Variants in CACNG2 observed in about 807,000 individuals in gnomAD.
The protein encoded by CACNG2 is calcium voltage-gated channel auxiliary subunit gamma 2, also known as voltage-dependent calcium channel gamma-2 subunit.
CACNG2 carries 3 observed loss-of-function variants against 25.9 expected under a neutral mutation model. That is an observed-to-expected ratio of 0.12 (90% CI 0.05 to 0.30). The LOEUF (loss-of-function observed/expected upper bound fraction) is 0.30. CACNG2 is among the 10% of genes least tolerant of loss of function. The pLI, the probability that CACNG2 is intolerant of heterozygous loss-of-function variation, is 1.00. For missense variants in CACNG2, 341 were observed against 432.5 expected (o/e 0.79, Z 1.88); for synonymous variants, 167 against 173.3 (o/e 0.96, Z 0.29).
chr22:36,663,860 T>A (rs541855336), intron 1 of CACNG2, among the ~76,000 whole-genome samples: 2 of 152,280 alleles, frequency 1.3e-5, no homozygotes, highest in East Asian at 3.9e-4. Context: ...CTCGATCACA[T>A]GGGCCTGTTT....
chr22:36,659,323 G>A (rs759199017), intron 1 of CACNG2, among the ~76,000 whole-genome samples: 1 of 152,134 alleles, frequency 6.6e-6, no homozygotes, highest in Non-Finnish European at 1.5e-5. Flanking sequence ...AGGGAGTGGG[G>A]AGAGGGCTGT....
chr22:36,596,767 CT>C (rs936414703), intron 1 of CACNG2, among the ~76,000 whole-genome samples: 3 of 151,848 alleles, frequency 2.0e-5, no homozygotes, highest in African/African-American at 4.8e-5. Flanking sequence ...CTCTTCAGTT[CT>C]TTTTTTTGAG....
rs755200898 is a variant in CACNG2, at chr22:36,564,629, G to C, written c.694C>G (p.Arg232Gly). 2 of 1,613,908 alleles carry C rather than the reference G, an allele frequency of 1.2e-6. No homozygotes were observed. The highest frequency in any genetic ancestry group is 1.1e-5 in the South Asian group (1 of 91,076). ...CTGGAGCGGCTGCGGCGCTGGTAGC[G>C]GTAGCGGTAGCTGGGGATGCGGGTG... ...AITRIPSYRY[R>G]YQRRSRSSSR... The change falls in exon 4 of 4, where the codon CGC (arginine) becomes GGC (glycine). Residue 232 changes from arginine (R) to glycine (G), a missense_variant. Physicochemically the swap from Arg to Gly is moderately radical, Grantham distance 125. Around this residue, in one of 2 missense-constraint regions of CACNG2, gnomAD observed 172 missense variants for 178.1 expected, o/e 0.97. Coordinates refer to ENST00000300105, the MANE Select transcript of CACNG2 (RefSeq NM_006078.5). This position sits in a 1 kb window ranked among gnomAD's most constrained non-coding sequence, Gnocchi z 6.7.
At chr22:36,577,433 C>T (rs918157440) in intron 2 of CACNG2, among the ~76,000 whole-genome samples, 3 of 151,994 alleles carry the variant, frequency 2.0e-5, no homozygotes, top group African/African-American at 4.8e-5. Context: ...GGGTGGATCA[C>T]GAGGTCAAGA....
At chr22:36,603,001 T>A (rs755472635) in intron 1 of CACNG2, among the ~76,000 whole-genome samples, 43 of 152,126 alleles carry the variant, frequency 2.8e-4, no homozygotes, top group Non-Finnish European at 1.0e-4. Context: ...CTAGAAACAA[T>A]TAAGCTTAGT....
intron 1 of CACNG2, among the ~76,000 whole-genome samples, chr22:36,689,629 A>G (rs1399892657): frequency 2.6e-5 from 4 of 152,206 alleles, no homozygotes; most frequent in African/African-American, 9.7e-5. Context: ...GAAAATGGAA[A>G]TTTCTCTCTT....
chr22:36,586,944 A>AG (rs1426277276), intron 2 of CACNG2, among the ~76,000 whole-genome samples: 1 of 3,364 alleles, frequency 3.0e-4, no homozygotes, highest in Non-Finnish European at 5.8e-4. Context: ...GCGGGGGAAG[A>AG]AAAAATCTCT....
At chr22:36,676,326 G>A (rs1937019451) in intron 1 of CACNG2, among the ~76,000 whole-genome samples, 1 of 152,174 alleles carries the variant, frequency 6.6e-6, no homozygotes, top group Non-Finnish European at 1.5e-5. Context: ...ATTATTCTCT[G>A]ATTGGAACCA....
chr22:36,612,946 G>A (rs1935967538), intron 1 of CACNG2, among the ~76,000 whole-genome samples: 1 of 152,170 alleles, frequency 6.6e-6, no homozygotes, highest in African/African-American at 2.4e-5. Flanking sequence ...TCATTCTGCT[G>A]ATTCCAGCCC....
chr22:36,579,881 C>T (rs1050202401), intron 2 of CACNG2, among the ~76,000 whole-genome samples: 1 of 152,198 alleles, frequency 6.6e-6, no homozygotes, highest in Non-Finnish European at 1.5e-5. Context: ...TTCTGACCAC[C>T]CTGTTGCAAA....
At chr22:36,657,762 T>C (rs967822698) in intron 1 of CACNG2, among the ~76,000 whole-genome samples, 4 of 151,888 alleles carry the variant, frequency 2.6e-5, no homozygotes, top group Non-Finnish European at 5.9e-5. Flanking sequence ...TCGTGAGGTC[T>C]GTGTGTTTCC....
At chr22:36,592,016 G>A (rs1432473324) in intron 1 of CACNG2, among the ~76,000 whole-genome samples, 1 of 152,142 alleles carries the variant, frequency 6.6e-6, no homozygotes, top group Non-Finnish European at 1.5e-5. Flanking sequence ...GTGTGTGTCA[G>A]TGGCTTGAAG....
intron 1 of CACNG2, among the ~76,000 whole-genome samples, chr22:36,690,986 C>T (rs757050749): frequency 1.5e-5 from 2 of 129,980 alleles, no homozygotes; most frequent in Admixed American, 1.6e-4. Context: ...CTCTCCCATA[C>T]CTTGTTCTCC....
At chr22:36,648,925 C>A (rs146421133) in intron 1 of CACNG2, among the ~76,000 whole-genome samples, 8 of 152,306 alleles carry the variant, frequency 5.3e-5, no homozygotes, top group African/African-American at 1.9e-4. Flanking sequence ...TCCCATCCAT[C>A]CTTCCCTCAA....
chr22:36,593,686 C>T (rs531048917), intron 1 of CACNG2, among the ~76,000 whole-genome samples: 1 of 152,210 alleles, frequency 6.6e-6, no homozygotes, highest in African/African-American at 2.4e-5. Flanking sequence ...GGACACACAG[C>T]CCTGAGGGAC....
intron 2 of CACNG2, among the ~76,000 whole-genome samples, chr22:36,580,742 C>T (rs1368310432): frequency 1.3e-5 from 2 of 152,170 alleles, no homozygotes. Context: ...GTGCTTAATA[C>T]ATGACTGTTG....
intron 1 of CACNG2, among the ~76,000 whole-genome samples, chr22:36,686,447 G>C (rs1439755811): frequency 1.3e-5 from 2 of 152,180 alleles, no homozygotes; most frequent in Non-Finnish European, 2.9e-5. Context: ...AGATAGGGGA[G>C]CCCGGAGCTC....
At chr22:36,661,732 G>A (rs1030561323) in intron 1 of CACNG2, among the ~76,000 whole-genome samples, 3 of 152,168 alleles carry the variant, frequency 2.0e-5, no homozygotes, top group African/African-American at 4.8e-5. Flanking sequence ...CCTGTCACAG[G>A]ACGAAAGCTC....
At chr22:36,566,948 G>T (rs1935137228) in intron 2 of CACNG2, among the ~76,000 whole-genome samples, 1 of 152,216 alleles carries the variant, frequency 6.6e-6, no homozygotes, top group Admixed American at 6.5e-5. Flanking sequence ...CCCCTCTTCT[G>T]TAAAGCCTTC....
Sources: gnomAD v4.1 joint callset for allele counts (sites outside exome capture counted in the v4.1 genomes callset) on GRCh38, gnomAD v4.1.1 for gene constraint, gnomAD v4.1.1 regional missense constraint, Gnocchi (gnomAD v3.1) non-coding constraint, MANE v1.5 for transcripts, NCBI Gene and HGNC (gene_info 2026-07-23, HGNC 2026-07-21) for gene names.